Variants in UCK2 observed in about 807,000 individuals in gnomAD.
The protein encoded by UCK2 is cytidine monophosphokinase 2.
In UCK2, 6 loss-of-function variants were observed where a neutral mutation model predicts 30.8. The observed-to-expected ratio is 0.19, with a 90% CI of 0.11 to 0.38. UCK2 has a LOEUF of 0.38. Among genes scored for constraint, UCK2 ranks in the 10% least tolerant of loss-of-function variants. The pLI is 1.00. For missense variants in UCK2, 210 were observed against 339.8 expected, an observed-to-expected ratio of 0.62 and a Z score of 3.00; for synonymous variants, 125 against 133.6, an observed-to-expected ratio of 0.94 and a Z score of 0.45.
At chr1:165,904,413 A>G (rs1390845915) in intron 5 of UCK2, among the ~76,000 whole-genome samples, 5 of 152,228 alleles carry the variant, frequency 3.3e-5, no homozygotes, top group African/African-American at 7.2e-5. Context: ...GAAAGAGACC[A>G]GAGGGGGCTG....
At chr1:165,877,601 C>T (rs755449361) in intron 1 of UCK2, among the ~76,000 whole-genome samples, 2 of 152,154 alleles carry the variant, frequency 1.3e-5, no homozygotes, top group African/African-American at 2.4e-5. Context: ...AGCAGTCATT[C>T]GTTTTTATTG....
intron 1 of UCK2, among the ~76,000 whole-genome samples, chr1:165,860,741 C>T (rs916350547): frequency 1.2e-4 from 18 of 152,240 alleles, no homozygotes; most frequent in African/African-American, 2.9e-4. Context: ...TGAGCCACAG[C>T]GCCCCGCCCC....
intron 1 of UCK2, among the ~76,000 whole-genome samples, chr1:165,864,399 G>A (rs1654995040): frequency 6.6e-6 from 1 of 152,130 alleles, no homozygotes; most frequent in South Asian, 2.1e-4. Context: ...AGAAACAAAT[G>A]TTTTATTAAT....
chr1:165,829,877 C>T (rs1363757334), intron 1 of UCK2, among the ~76,000 whole-genome samples: 1 of 152,214 alleles, frequency 6.6e-6, no homozygotes, highest in Non-Finnish European at 1.5e-5. Flanking sequence ...ATTTTTGAGA[C>T]AAGGTCTCGC....
chr1:165,859,373 C>T (rs934610054), intron 1 of UCK2, among the ~76,000 whole-genome samples: 2 of 152,162 alleles, frequency 1.3e-5, no homozygotes, highest in Admixed American at 1.3e-4. Flanking sequence ...GCTGGTCCTC[C>T]GCTGGTGTCT....
At chr1:165,878,547 T>C (rs1052945348) in intron 1 of UCK2, among the ~76,000 whole-genome samples, 5 of 152,164 alleles carry the variant, frequency 3.3e-5, no homozygotes, top group African/African-American at 1.2e-4. Flanking sequence ...CCTCTGGCCA[T>C]GTTGGCCAGA....
chr1:165,887,530 TAA>T (rs1655645887), intron 1 of UCK2, among the ~76,000 whole-genome samples: 1 of 152,192 alleles, frequency 6.6e-6, no homozygotes, highest in South Asian at 2.1e-4. Flanking sequence ...TAAATATAAA[TAA>T]AAATATCACA....
intron 1 of UCK2, among the ~76,000 whole-genome samples, chr1:165,844,211 G>A (rs1383234168): frequency 6.6e-6 from 1 of 152,204 alleles, no homozygotes; most frequent in African/African-American, 2.4e-5. Flanking sequence ...CTCAGTGCAA[G>A]CCTGAAAGGG....
At chr1:165,872,562 C>G (rs1377658374) in intron 1 of UCK2, among the ~76,000 whole-genome samples, 1 of 152,158 alleles carries the variant, frequency 6.6e-6, no homozygotes, top group Non-Finnish European at 1.5e-5. Context: ...CCTAGCAAAT[C>G]CACTACTGGA....
In UCK2 at chr1:165,909,412, G is replaced by T. The variant is rs1647778701; in HGVS notation, c.*1589G>T. On this transcript the variant is annotated 3_prime_UTR_variant, in exon 7 of 7. Coordinates refer to ENST00000367879, the MANE Select transcript of UCK2 (RefSeq NM_012474.5). Reference sequence around the variant, plus strand: ...ACCTTTTCTTCCCATTGCTCTCAGAGCCTGTTCGAGCCATTCAGGTAAATT... The same window carrying T: ...ACCTTTTCTTCCCATTGCTCTCAGATCCTGTTCGAGCCATTCAGGTAAATT... The T allele has an allele frequency of 6.6e-6, 1 of 152,224 alleles. No homozygotes were observed. The highest frequency in any genetic ancestry group is 1.5e-5 in the Non-Finnish European group (1 of 68,060). The allele number at this position is 152,224 out of a possible 1,614,324, so 9.4% of individuals were successfully genotyped here. A position where few individuals can be genotyped will look rare whatever the true frequency, so the allele number is the denominator to read the frequency against.
At chr1:165,855,907 G>A (rs573852625) in intron 1 of UCK2, among the ~76,000 whole-genome samples, 23 of 152,178 alleles carry the variant, frequency 1.5e-4, no homozygotes, top group African/African-American at 5.3e-4. Context: ...TTCTCTGCTT[G>A]GCCTTTTTAC....
intron 6 of UCK2, among the ~76,000 whole-genome samples, chr1:165,907,242 T>G (rs1349180693): frequency 6.6e-6 from 1 of 152,224 alleles, no homozygotes; most frequent in African/African-American, 2.4e-5. Context: ...CTCTCTGCAT[T>G]ATATTTTTTG....
At chr1:165,854,801 A>C (rs181563180) in intron 1 of UCK2, among the ~76,000 whole-genome samples, 1 of 152,166 alleles carries the variant, frequency 6.6e-6, no homozygotes, top group East Asian at 1.9e-4. Flanking sequence ...TTTCTAGTCC[A>C]TGAATACTAC....
chr1:165,886,340 G>A (rs987812878), intron 1 of UCK2, among the ~76,000 whole-genome samples: 1 of 151,932 alleles, frequency 6.6e-6, no homozygotes, highest in Non-Finnish European at 1.5e-5. Flanking sequence ...TGTTGCCCAG[G>A]CTGGAGTGCA....
intron 1 of UCK2, among the ~76,000 whole-genome samples, chr1:165,876,815 C>T (rs1018648069): frequency 6.6e-6 from 1 of 152,162 alleles, no homozygotes; most frequent in Non-Finnish European, 1.5e-5. Flanking sequence ...CGTCCTGTCT[C>T]CCAGCTTCTG....
At chr1:165,841,085 G>A (rs949451376) in intron 1 of UCK2, among the ~76,000 whole-genome samples, 3 of 135,232 alleles carry the variant, frequency 2.2e-5, no homozygotes, top group Non-Finnish European at 4.6e-5. Flanking sequence ...ATATATTTGT[G>A]TGTGCACACG....
intron 1 of UCK2, among the ~76,000 whole-genome samples, chr1:165,873,044 C>T (rs1446682502): frequency 6.6e-6 from 1 of 152,008 alleles, no homozygotes; most frequent in African/African-American, 2.4e-5. Flanking sequence ...TTATTCAGCG[C>T]AATGTTAATT....
At chr1:165,895,996 CG>C in intron 3 of UCK2, 193 bp from the exon 4 acceptor site, 1 of 653,492 alleles carries the variant, frequency 1.5e-6, no homozygotes, top group Non-Finnish European at 2.6e-6. Context: ...TTGTCCCGGC[CG>C]TGATCACCCT....
chr1:165,829,632 ACT>A lies in UCK2; in HGVS notation c.99+1703_99+1704del, dbSNP rs1261086505. On this transcript the variant is annotated intron_variant, in intron 1 of 6. Transcript: ENST00000367879. ...AAACTGCGACCCTAAAAGGTGAATA[ACT>A]CTGTTATTGTTCTTCTTGTGTGTTT... Among the ~76,000 whole-genome samples, 7 of 152,168 alleles carry A rather than the reference ACT, an allele frequency of 4.6e-5. No homozygotes were observed. In the East Asian group the frequency reaches 1.4e-3, roughly 29 times the overall value.
Sources: allele counts gnomAD v4.1 joint callset (sites outside exome capture counted in the v4.1 genomes callset), GRCh38; gene constraint gnomAD v4.1.1; transcripts MANE v1.5; gene names NCBI Gene and HGNC (gene_info 2026-07-23, HGNC 2026-07-21).